Variants in SUGCT observed in about 807,000 individuals in gnomAD.
SUGCT encodes the protein succinyl-CoA:glutarate-CoA transferase.
SUGCT carries 41 observed loss-of-function variants against 55.0 expected under a neutral mutation model. The ratio of observed to expected loss-of-function variants is 0.74; its 90% CI spans 0.58 to 0.97. The LOEUF is 0.97. Ranked by LOEUF, SUGCT falls within the 50% of genes least tolerant of loss-of-function variation. SUGCT has a pLI of 0.00. For synonymous variants in SUGCT, 187 were observed against 200.4 expected (o/e 0.93, Z 0.56); for missense variants, 568 against 547.8 (o/e 1.04, Z -0.37).
intron 2 of SUGCT, among the ~76,000 whole-genome samples, chr7:40,181,443 T>G (rs998155279): frequency 2.0e-4 from 31 of 152,072 alleles, no homozygotes; most frequent in Admixed American, 1.5e-3. Flanking sequence ...CAGGATAAAA[T>G]TCTAGAAAAA....
At chr7:40,604,728 G>T (rs1004943726) in intron 12 of SUGCT, among the ~76,000 whole-genome samples, 1 of 152,190 alleles carries the variant, frequency 6.6e-6, no homozygotes, top group East Asian at 1.9e-4. Context: ...TCACTGTAAG[G>T]CCAAGTAGGA....
intron 9 of SUGCT, among the ~76,000 whole-genome samples, chr7:40,416,519 A>C (rs989253339): frequency 6.6e-6 from 1 of 151,964 alleles, no homozygotes. Context: ...AGTACCATTT[A>C]TGAAATCATA....
chr7:40,553,298 T>C (rs573351952), intron 12 of SUGCT, among the ~76,000 whole-genome samples: 14 of 152,160 alleles, frequency 9.2e-5, no homozygotes, highest in Non-Finnish European at 1.8e-4. Flanking sequence ...GGTTATTCTT[T>C]CAGAAAATAA....
intron 12 of SUGCT, among the ~76,000 whole-genome samples, chr7:40,675,521 C>G (rs1222468000): frequency 6.6e-6 from 1 of 152,138 alleles, no homozygotes; most frequent in Non-Finnish European, 1.5e-5. Context: ...GACAAAAGCA[C>G]AACACTGAGG....
chr7:40,766,757 C>T (rs1788811677), intron 13 of SUGCT, among the ~76,000 whole-genome samples: 1 of 152,104 alleles, frequency 6.6e-6, no homozygotes, highest in South Asian at 2.1e-4. Flanking sequence ...CAATCCTATC[C>T]TCCTGGCCTA....
chr7:41,022,714 T>C, the SUGCT span, among the ~76,000 whole-genome samples: 1 of 152,150 alleles, frequency 6.6e-6, no homozygotes, highest in Non-Finnish European at 1.5e-5. Context: ...AGAGTATAAA[T>C]ATTGATTTAC....
intron 8 of SUGCT, among the ~76,000 whole-genome samples, chr7:40,305,687 G>A (rs780845878): frequency 4.0e-5 from 6 of 151,662 alleles, no homozygotes; most frequent in Non-Finnish European, 7.4e-5. Context: ...TTTGTGACAG[G>A]GTCTTGCTCT....
intron 12 of SUGCT, among the ~76,000 whole-genome samples, chr7:40,747,884 T>C (rs1584378990): frequency 6.6e-6 from 1 of 152,150 alleles, no homozygotes; most frequent in East Asian, 1.9e-4. Context: ...TTTGGTTCCA[T>C]GCCCTCAGCC....
At chr7:40,177,299 G>A (rs1252399793) in intron 1 of SUGCT, among the ~76,000 whole-genome samples, 2 of 152,002 alleles carry the variant, frequency 1.3e-5, no homozygotes, top group African/African-American at 2.4e-5. Flanking sequence ...TTCTGATAAG[G>A]CACTAGCTGT....
chr7:40,684,078 G>A (rs747062057), intron 12 of SUGCT: 24 of 1,612,190 alleles, frequency 1.5e-5, no homozygotes, highest in Middle Eastern at 1.6e-4. Flanking sequence ...GGCTTCCAAA[G>A]CCTGCTGCAT....
At chr7:40,800,108 T>C (rs886962290) in intron 13 of SUGCT, among the ~76,000 whole-genome samples, 5 of 152,112 alleles carry the variant, frequency 3.3e-5, no homozygotes, top group Non-Finnish European at 7.3e-5. Flanking sequence ...GATTTATTCT[T>C]GCCTACCCAG....
At chr7:40,352,564 T>G (rs976791348) in intron 9 of SUGCT, among the ~76,000 whole-genome samples, 1 of 152,138 alleles carries the variant, frequency 6.6e-6, no homozygotes, top group Non-Finnish European at 1.5e-5. Context: ...CATGGCGGTG[T>G]TTGGTTTTCT....
intron 13 of SUGCT, among the ~76,000 whole-genome samples, chr7:40,801,304 A>C (rs554192674): frequency 6.6e-6 from 1 of 152,340 alleles, no homozygotes; most frequent in East Asian, 1.9e-4. Context: ...GGGATTTGGA[A>C]GCTACATTTA....
In SUGCT at chr7:40,658,542, G is replaced by A. The variant is rs547076671; in HGVS notation, c.1090-90892G>A. Among the ~76,000 whole-genome samples the A allele has an allele frequency of 2.6e-4, 39 of 152,160 alleles. 1 individual carries two copies. The South Asian group carries it at 7.9e-3, about 31-fold the overall frequency. ...ATCTGCGGGTCAGGGAACTAGCAAA[G>A]GCAGATACTCTCTTGTGTTACTCTG... On this transcript the variant is annotated intron_variant, in intron 12 of 13. Transcript: ENST00000335693.
chr7:40,192,524 C>T (rs1406495219), intron 5 of SUGCT, among the ~76,000 whole-genome samples: 4 of 151,574 alleles, frequency 2.6e-5, no homozygotes, highest in Non-Finnish European at 5.9e-5. Context: ...AAAATTAAAA[C>T]ATTCAGAAAA....
At chr7:40,943,849 C>T in the SUGCT span, among the ~76,000 whole-genome samples, 1 of 151,768 alleles carries the variant, frequency 6.6e-6, no homozygotes, top group Non-Finnish European at 1.5e-5. Flanking sequence ...CCTGAGGAAT[C>T]ACCACACTGA....
chr7:40,251,321 G>T (rs968866737), intron 7 of SUGCT, among the ~76,000 whole-genome samples: 5 of 152,116 alleles, frequency 3.3e-5, no homozygotes, highest in African/African-American at 1.2e-4. Context: ...TACTTAGTAA[G>T]TGCTGTCAGG....
chr7:40,971,407 TAGAG>T, the SUGCT span, among the ~76,000 whole-genome samples: 4 of 152,068 alleles, frequency 2.6e-5, no homozygotes, highest in South Asian at 2.1e-4. Flanking sequence ...GAAGTGGAGA[TAGAG>T]AGACCAGTTC....
intron 7 of SUGCT, among the ~76,000 whole-genome samples, chr7:40,264,501 T>G (rs1393378599): frequency 1.3e-5 from 2 of 152,170 alleles, no homozygotes; most frequent in African/African-American, 2.4e-5. Context: ...TCTGTGCCCA[T>G]GAAGTGTGAA....
Sources: allele counts gnomAD v4.1 joint callset (sites outside exome capture counted in the v4.1 genomes callset), GRCh38; gene constraint gnomAD v4.1.1; transcripts MANE v1.5; gene names NCBI Gene and HGNC (gene_info 2026-07-23, HGNC 2026-07-21).